The following APCDD1 variants were observed in gnomAD, a reference collection of about 807,000 sequenced individuals.
APCDD1 encodes the protein protein APCDD1.
A neutral mutation model predicts 38.1 loss-of-function variants in APCDD1; 15 were observed. The ratio of observed to expected loss-of-function variants is 0.39; its 90% CI spans 0.26 to 0.61. APCDD1 has a LOEUF of 0.61. Ranked by LOEUF, APCDD1 falls within the 20% of genes least tolerant of loss-of-function variation. APCDD1 has a pLI of 0.49. For missense variants in APCDD1, 647 were observed against 696.2 expected (o/e 0.93, Z 0.79); for synonymous variants, 261 against 279.7 (o/e 0.93, Z 0.67).
chr18:10,487,549 C>G (rs556439300), intron 4 of APCDD1, 41 bp from the exon 5 acceptor site: 1 of 1,603,162 alleles, frequency 6.2e-7, no homozygotes, highest in South Asian at 1.1e-5. Flanking sequence ...GATCCCACGC[C>G]TACTCCCTGG....
chr18:10,481,419 G>A (rs990556966), intron 3 of APCDD1, among the ~76,000 whole-genome samples: 4 of 152,176 alleles, frequency 2.6e-5, no homozygotes, highest in African/African-American at 9.7e-5. Context: ...CTTATAGTAA[G>A]TGAAACAGGC....
rs955980284 is a variant in APCDD1 at position 10,454,797 on chromosome 18, G to T, written c.-185G>T. 2.0e-6 allele frequency: 2 copies of T among 981,348 alleles called. No individual in the cohort carries two copies. Among genetic ancestry groups the T allele is most frequent in the South Asian group, 4.7e-5 (1 of 21,318 alleles). 60.8% of individuals were successfully genotyped at this position (981,348 alleles called of 1,614,324 possible). A position where few individuals can be genotyped will look rare whatever the true frequency, so the allele number is the denominator to read the frequency against. ...GGGGCGCCCACAGCCGCCCGACGGC[G>T]CCCAGAGAGCGCGCGCCCCGCAGCC... On this transcript the variant is annotated 5_prime_UTR_variant, in exon 1 of 5. Transcript: ENST00000355285.
intron 1 of APCDD1, among the ~76,000 whole-genome samples, chr18:10,457,637 T>G (rs769790960): frequency 6.6e-6 from 1 of 152,240 alleles, no homozygotes; most frequent in Non-Finnish European, 1.5e-5. Flanking sequence ...AAATTTAGTT[T>G]CACACATCAT....
rs746650863 is a variant in APCDD1, at chr18:10,472,028, C to T, written c.741C>T (p.Pro247=). ...TDATQRMFYR[P]SSYQPPLQNA... Reference sequence around the variant, plus strand: ...CCACCCAGAGGATGTTCTACCGGCCCTCCAGTTACCAGCCCCCTCTGCAGA... The same window carrying T: ...CCACCCAGAGGATGTTCTACCGGCCTTCCAGTTACCAGCCCCCTCTGCAGA... The change falls in exon 3 of 5, where the codon CCC becomes CCT. Residue 247 remains proline, a synonymous_variant. Transcript: ENST00000355285. The surrounding 1 kb of genome is among the most constrained non-coding windows in gnomAD (Gnocchi z 6.6). 3 of 1,613,816 alleles carry T rather than the reference C, an allele frequency of 1.9e-6. No individual in the cohort carries two copies.
intron 3 of APCDD1, chr18:10,478,002 G>T (rs542507443): frequency 1.3e-5 from 2 of 152,236 alleles, no homozygotes; most frequent in South Asian, 2.1e-4. Flanking sequence ...AAAGGCCTTT[G>T]TGAGCTCACT....
At chr18:10,479,836 C>T (rs2031093234) in intron 3 of APCDD1, among the ~76,000 whole-genome samples, 1 of 152,146 alleles carries the variant, frequency 6.6e-6, no homozygotes, top group African/African-American at 2.4e-5. Flanking sequence ...TTACCTGGAG[C>T]TAAGCAGGAA....
At chr18:10,481,978 T>C (rs1285793412) in intron 3 of APCDD1, among the ~76,000 whole-genome samples, 3 of 152,144 alleles carry the variant, frequency 2.0e-5, no homozygotes, top group East Asian at 3.9e-4. Flanking sequence ...TCATTATTGC[T>C]AAAGGAAAGC....
chr18:10,471,545 A>G lies in APCDD1; in HGVS notation c.258A>G (p.Ser86=). 6.2e-7 allele frequency: 1 copy of G among 1,614,234 alleles called. No homozygotes were observed. Among genetic ancestry groups the G allele is most frequent in the Non-Finnish European group, 8.5e-7 (1 of 1,180,034 alleles). The change falls in exon 3 of 5, where the codon TCA becomes TCG. Residue 86 remains serine, a synonymous_variant. Transcript: ENST00000355285. The surrounding 1 kb of genome is among the most constrained non-coding windows in gnomAD (Gnocchi z 5.5). ...HWVSTGCEVR[S]GPEFITRSYR... ...TCTTGCCCAGCTGTGAAGTAAGGTC[A>G]GGCCCAGAGTTCATCACAAGGTCCT...
chr18:10,462,347 TC>T (rs2030566932), intron 1 of APCDD1, among the ~76,000 whole-genome samples: 1 of 152,218 alleles, frequency 6.6e-6, no homozygotes, highest in Non-Finnish European at 1.5e-5. Context: ...TTACAAAAGT[TC>T]CTTTTCAGAT....
Position 10,454,773 on chromosome 18 carries a change from GGGCGCCCACAGCCGCCCGAC to G in APCDD1, c.-200_-181del. ...AGAGGCCGGGACGCGGACCGGGCCG[GGGCGCCCACAGCCGCCCGAC>G]GGCGCCCAGAGAGCGCGCGCCCCGC... On this transcript the variant is annotated 5_prime_UTR_variant, in exon 1 of 5. Transcript: ENST00000355285. The G allele has an allele frequency of 4.1e-6, 4 of 980,490 alleles. No individual in the cohort carries two copies. Among genetic ancestry groups the G allele is most frequent in the Non-Finnish European group, 4.8e-6 (4 of 828,124 alleles). The allele number at this position is 980,490 out of a possible 1,614,324, so 60.7% of individuals were successfully genotyped here. A position where few individuals can be genotyped will look rare whatever the true frequency, so the allele number is the denominator to read the frequency against.
At chr18:10,455,102 C>T (rs961546455) in intron 1 of APCDD1, 63 bp downstream of exon 1, 4 of 1,541,932 alleles carry the variant, frequency 2.6e-6, no homozygotes, top group East Asian at 4.9e-5. Flanking sequence ...CGCCGCGGAG[C>T]CCGCGGAGGC....
rs145611480 is a variant in APCDD1, at chr18:10,483,153, C to T, written c.775-2309C>T. Among the ~76,000 whole-genome samples, 718 of 152,330 alleles carry T rather than the reference C, an allele frequency of 4.7e-3. 10 individuals carry two copies. Among genetic ancestry groups the T allele is most frequent in the African/African-American group, 0.016 (669 of 41,572 alleles). On this transcript the variant is annotated intron_variant, in intron 3 of 4. Transcript: ENST00000355285. ...CCAAAATCACCAGCTGTGAAGCGGC[C>T]GGGGCTGGCCTTGGCCCCCAGGAAC...
Position 10,469,104 on chromosome 18 carries a change from G to A in APCDD1, c.242+452G>A, listed in dbSNP as rs7244807. Among the ~76,000 whole-genome samples the A allele has an allele frequency of 0.039, 5,866 of 152,238 alleles. 403 individuals carry two copies. The highest frequency in any genetic ancestry group is 0.13 in the African/African-American group (5,550 of 41,512). On this transcript the variant is annotated intron_variant, in intron 2 of 4. Transcript: ENST00000355285. The surrounding 1 kb of genome is among the most constrained non-coding windows in gnomAD (Gnocchi z 5.5). ...GTTAAAAGCTACCTCTACTAGCCAG[G>A]GTGCAGTTCTTGGATTCTTTTCCAT... is the stretch of plus-strand genomic sequence containing the variant.
chr18:10,457,452 G>GT (rs2143503775), intron 1 of APCDD1, among the ~76,000 whole-genome samples: 1 of 152,320 alleles, frequency 6.6e-6, no homozygotes, highest in African/African-American at 2.4e-5. Context: ...TTAAATAGAA[G>GT]TTATAAATCT....
chr18:10,461,924 A>C (rs1276617690), intron 1 of APCDD1, among the ~76,000 whole-genome samples: 2 of 152,084 alleles, frequency 1.3e-5, no homozygotes, highest in Non-Finnish European at 2.9e-5. Context: ...TTATCTGTAA[A>C]ATAAGAGGAA....
intron 3 of APCDD1, among the ~76,000 whole-genome samples, chr18:10,473,925 A>ATT (rs10691722): frequency 0.032 from 4,078 of 127,758 alleles, 194 homozygotes; most frequent in African/African-American, 0.096. Flanking sequence ...CCTTTCTGGG[A>ATT]TTTTTTTTTT....
chr18:10,464,564 A>G (rs1269991529), intron 1 of APCDD1, among the ~76,000 whole-genome samples: 4 of 152,164 alleles, frequency 2.6e-5, no homozygotes, highest in Non-Finnish European at 5.9e-5. Context: ...CTGGGACTAC[A>G]GGCATGTGCC....
Position 10,465,111 on chromosome 18 carries a change from C to T in APCDD1, c.59-3358C>T, listed in dbSNP as rs577342147. 5.3e-5 allele frequency among the ~76,000 whole-genome samples: 8 copies of T among 152,260 alleles called. No individual in the cohort carries two copies. The South Asian group carries it at 1.5e-3, about 28-fold the overall frequency. ...TTAAGTGATTTGTTTAAGGTCACTG[C>T]GCTAATACTGTGTTTTAGTGACTGC... On this transcript the variant is annotated intron_variant, in intron 1 of 4. Coordinates refer to ENST00000355285, the MANE Select transcript of APCDD1 (RefSeq NM_153000.5).
rs1289867201 is a variant in APCDD1, at chr18:10,470,294, T to G, written c.243-1236T>G. Reference sequence around the variant, plus strand: ...ATCTAACATGAATCACTGCTTACACTAAACTTCTCTTTCCTTGTGGGAGAA... The same window carrying G: ...ATCTAACATGAATCACTGCTTACACGAAACTTCTCTTTCCTTGTGGGAGAA... On this transcript the variant is annotated intron_variant, in intron 2 of 4. Transcript: ENST00000355285. The surrounding 1 kb of genome is among the most constrained non-coding windows in gnomAD (Gnocchi z 4.1). Among the ~76,000 whole-genome samples the G allele has an allele frequency of 1.3e-5, 2 of 152,230 alleles. No homozygotes were observed. Among genetic ancestry groups the G allele is most frequent in the African/African-American group, 4.8e-5 (2 of 41,464 alleles).
Sources: allele counts gnomAD v4.1 joint callset (sites outside exome capture counted in the v4.1 genomes callset), GRCh38; gene constraint gnomAD v4.1.1; non-coding constraint Gnocchi (gnomAD v3.1); transcripts MANE v1.5; gene names NCBI Gene and HGNC (gene_info 2026-07-23, HGNC 2026-07-21).